The following ZNF676 variants were observed in gnomAD, a reference collection of about 807,000 sequenced individuals.
ZNF676 encodes zinc finger protein 676.
ZNF676 carries 4 observed loss-of-function variants against 6.0 expected under a neutral mutation model. The ratio of observed to expected loss-of-function variants is 0.67; its 90% CI spans 0.33 to 1.53. The LOEUF (loss-of-function observed/expected upper bound fraction) is 1.53, where lower values mean the gene tolerates loss of function less well. ZNF676 is among the 40% of genes most tolerant of loss of function. ZNF676 has a pLI of 0.06. For missense variants in ZNF676, 644 were observed against 679.7 expected (o/e 0.95, Z 0.58); for synonymous variants, 198 against 223.1 (o/e 0.89, Z 1.00).
intron 2 of ZNF676, among the ~76,000 whole-genome samples, chr19:22,190,622 G>T (rs2023888622): frequency 4.1e-5 from 2 of 48,716 alleles, no homozygotes; most frequent in Non-Finnish European, 9.8e-5. Context: ...TAATAAAATA[G>T]AATGCAACAT....
the ZNF676 span, among the ~76,000 whole-genome samples, chr19:22,256,330 AG>A: frequency 2.6e-5 from 4 of 152,130 alleles, no homozygotes; most frequent in Non-Finnish European, 1.5e-5. Flanking sequence ...CCCCGCTAGA[AG>A]GGACCAGGCA....
At chr19:22,242,428 A>G in the ZNF676 span, among the ~76,000 whole-genome samples, 1 of 151,938 alleles carries the variant, frequency 6.6e-6, no homozygotes, top group African/African-American at 2.4e-5. Flanking sequence ...GAGGCTAAAA[A>G]CAAGGGTCAT....
At chr19:22,244,294 G>C in the ZNF676 span, 1 of 151,986 alleles carries the variant, frequency 6.6e-6, no homozygotes, top group Non-Finnish European at 1.5e-5. Flanking sequence ...CACCCACCTT[G>C]GCCTCCCAAA....
Position 22,181,320 on chromosome 19 carries a change from T to C in ZNF676, c.397A>G (p.Ile133Val), listed in dbSNP as rs762460001. ...AAACCTTTCTCTCCAGTATGCCTTA[T>C]CTTATGTCTGTTTGAATTTGAACAT... is the stretch of plus-strand genomic sequence containing the variant. ...HKCSNSNRHK[I>V]RHTGEKGLKC... is the part of the protein sequence containing the mutation. Residue 133 changes from isoleucine to valine, a missense_variant, in exon 3 of 3, where the codon ATA becomes GTA. Around this residue, in one of 5 missense-constraint regions of ZNF676, gnomAD observed 280 missense variants for 269.3 expected, o/e 1.04. Transcript: ENST00000397121. The C allele has an allele frequency of 4.3e-6, 7 of 1,613,786 alleles. No homozygotes were observed. Among genetic ancestry groups the C allele is most frequent in the Non-Finnish European group, 5.9e-6 (7 of 1,179,778 alleles).
upstream of ZNF676, among the ~76,000 whole-genome samples, chr19:22,218,253 G>A (rs965882230): frequency 6.6e-6 from 1 of 152,086 alleles, no homozygotes; most frequent in East Asian, 1.9e-4. Flanking sequence ...TTTAGAATTC[G>A]GGTAGTTTCA....
chr19:22,211,104 T>G lies in ZNF676; in HGVS notation c.3+4528A>C, dbSNP rs1221683421. On this transcript the variant is annotated intron_variant, in intron 1 of 3. Coordinates refer to the ZNF676 transcript ENST00000650058. Reference sequence around the variant, plus strand: ...ATACTCCTTTGGAATTCTTTTTTTTTTTTTAATGTACATCTAGCTGGTTAT... The same window carrying G: ...ATACTCCTTTGGAATTCTTTTTTTTGTTTTAATGTACATCTAGCTGGTTAT... Among the ~76,000 whole-genome samples, 6 of 152,230 alleles carry G rather than the reference T, an allele frequency of 3.9e-5. No homozygotes were observed. In the East Asian group the frequency reaches 5.8e-4, roughly 15 times the overall value.
At chr19:22,211,820 C>T (rs1265340073) in intron 1 of ZNF676, among the ~76,000 whole-genome samples, 3 of 152,096 alleles carry the variant, frequency 2.0e-5, no homozygotes, top group Non-Finnish European at 4.4e-5. Context: ...TTCTCTATAG[C>T]CAAAACGGAA....
At chr19:22,250,670 C>G in the ZNF676 span, among the ~76,000 whole-genome samples, 29 of 151,218 alleles carry the variant, frequency 1.9e-4, no homozygotes, top group Admixed American at 7.3e-4. Context: ...TCTACACAGT[C>G]CCTGTGCAGG....
chr19:22,257,785 G>A, the ZNF676 span, among the ~76,000 whole-genome samples: 2 of 152,198 alleles, frequency 1.3e-5, no homozygotes, highest in East Asian at 1.9e-4. Context: ...TGAGGAGCAG[G>A]CTCAGGCAGG....
upstream of ZNF676, among the ~76,000 whole-genome samples, chr19:22,200,229 T>TA (rs997039204): frequency 4.0e-4 from 60 of 151,276 alleles, no homozygotes; most frequent in Non-Finnish European, 3.4e-4. Context: ...ATAAGAAATT[T>TA]AAAAAAAAAT....
At chr19:22,192,919 T>A (rs2023926532) in intron 2 of ZNF676, 97 bp downstream of exon 2, 2 of 1,288,188 alleles carry the variant, frequency 1.6e-6, no homozygotes, top group Non-Finnish European at 2.1e-6. Context: ...CAGAAACAAC[T>A]ACTTTTGGAA....
At chr19:22,231,115 T>C in the ZNF676 span, among the ~76,000 whole-genome samples, 8 of 152,198 alleles carry the variant, frequency 5.3e-5, no homozygotes, top group African/African-American at 1.9e-4. Flanking sequence ...GTAAAATCTT[T>C]GTATGCAACT....
At chr19:22,208,042 C>A (rs536874303) in intron 1 of ZNF676, among the ~76,000 whole-genome samples, 39 of 146,592 alleles carry the variant, frequency 2.7e-4, no homozygotes, top group Admixed American at 6.8e-4. Context: ...GACATAGAAA[C>A]TGTCAAAGAT....
chr19:22,240,798 A>C, the ZNF676 span, among the ~76,000 whole-genome samples: 1 of 151,962 alleles, frequency 6.6e-6, no homozygotes, highest in African/African-American at 2.4e-5. Context: ...TCTCAAAAAA[A>C]GAGAGAAAAG....
At chr19:22,237,675 T>C in the ZNF676 span, among the ~76,000 whole-genome samples, 1 of 151,972 alleles carries the variant, frequency 6.6e-6, no homozygotes, top group Non-Finnish European at 1.5e-5. Context: ...CAGACAAAGG[T>C]GGAAAGGCTG....
chr19:22,233,071 A>T, the ZNF676 span, among the ~76,000 whole-genome samples: 1 of 152,214 alleles, frequency 6.6e-6, no homozygotes. Flanking sequence ...ATTTGGTGTG[A>T]GTATAAAAGT....
At chr19:22,213,248 TTTTC>T (rs576384372) in intron 1 of ZNF676, among the ~76,000 whole-genome samples, 1 of 152,162 alleles carries the variant, frequency 6.6e-6, no homozygotes, top group Non-Finnish European at 1.5e-5. Context: ...GTCAGTTTCT[TTTTC>T]TTTGTCTTTG....
chr19:22,249,401 G>A, the ZNF676 span, among the ~76,000 whole-genome samples: 2 of 151,814 alleles, frequency 1.3e-5, no homozygotes, highest in Non-Finnish European at 2.9e-5. Flanking sequence ...ATATTATTCA[G>A]TTTTTTTTGT....
chr19:22,240,321 C>A, the ZNF676 span, among the ~76,000 whole-genome samples: 1 of 151,772 alleles, frequency 6.6e-6, no homozygotes, highest in African/African-American at 2.4e-5. Flanking sequence ...GGTGCTGGGC[C>A]CAGTGATATG....
Sources: allele counts gnomAD v4.1 joint callset (sites outside exome capture counted in the v4.1 genomes callset), GRCh38; gene constraint gnomAD v4.1.1; regional missense constraint gnomAD v4.1.1; transcripts MANE v1.5; gene names NCBI Gene and HGNC (gene_info 2026-07-23, HGNC 2026-07-21).